ARHGAP15: variants seen among roughly 807,000 people sequenced by gnomAD.
The protein encoded by ARHGAP15 is rho GTPase-activating protein 15.
ARHGAP15 carries 51 observed loss-of-function variants against 63.7 expected under a neutral mutation model. That is an observed-to-expected ratio of 0.80 (90% CI 0.64 to 1.01). ARHGAP15 has a LOEUF of 1.01. Ranked by LOEUF, ARHGAP15 falls within the 50% of genes least tolerant of loss-of-function variation. The pLI is 0.00. For synonymous variants in ARHGAP15, 191 were observed against 193.8 expected, an observed-to-expected ratio of 0.99 and a Z score of 0.12; for missense variants, 560 against 564.6, an observed-to-expected ratio of 0.99 and a Z score of 0.08.
At chr2:143,676,007 A>G (rs771082130) in intron 12 of ARHGAP15, among the ~76,000 whole-genome samples, 4 of 152,190 alleles carry the variant, frequency 2.6e-5, no homozygotes, top group Non-Finnish European at 1.5e-5. Context: ...TATGTTAGCT[A>G]GGTCTTCTGG....
At chr2:143,315,502 A>C (rs1028892266) in intron 6 of ARHGAP15, among the ~76,000 whole-genome samples, 4 of 152,262 alleles carry the variant, frequency 2.6e-5, no homozygotes, top group African/African-American at 9.6e-5. Flanking sequence ...AAAAATACAG[A>C]TACCAGAATA....
chr2:143,665,772 TA>T (rs1210955688), intron 12 of ARHGAP15, among the ~76,000 whole-genome samples: 1 of 151,118 alleles, frequency 6.6e-6, no homozygotes, highest in Non-Finnish European at 1.5e-5. Flanking sequence ...TATACACCAA[TA>T]ACAGACAAAC....
intron 9 of ARHGAP15, among the ~76,000 whole-genome samples, chr2:143,495,559 A>G (rs1198357319): frequency 6.6e-6 from 1 of 152,218 alleles, no homozygotes; most frequent in East Asian, 1.9e-4. Flanking sequence ...TGTCTGCCAT[A>G]AAAGAAAATA....
intron 11 of ARHGAP15, among the ~76,000 whole-genome samples, chr2:143,618,587 G>A (rs1461998562): frequency 6.6e-6 from 1 of 152,188 alleles, no homozygotes; most frequent in African/African-American, 2.4e-5. Context: ...TTGGAAAGAG[G>A]TTTTAAAAGT....
intron 3 of ARHGAP15, among the ~76,000 whole-genome samples, chr2:143,206,753 G>A (rs1249835966): frequency 6.6e-6 from 1 of 152,020 alleles, no homozygotes; most frequent in Non-Finnish European, 1.5e-5. Context: ...TGCTTTATTT[G>A]TTTGGTTTTA....
intron 6 of ARHGAP15, among the ~76,000 whole-genome samples, chr2:143,280,413 T>C (rs1681783393): frequency 6.6e-6 from 1 of 152,124 alleles, no homozygotes; most frequent in Non-Finnish European, 1.5e-5. Flanking sequence ...TCTAGGTCTA[T>C]TTATCACATG....
At chr2:143,685,949 A>C (rs1053970969) in intron 12 of ARHGAP15, among the ~76,000 whole-genome samples, 1 of 151,550 alleles carries the variant, frequency 6.6e-6, no homozygotes, top group African/African-American at 2.4e-5. Flanking sequence ...GTTTACTTTA[A>C]AAAAAAAATT....
At chr2:143,338,742 G>A (rs1378780688) in intron 6 of ARHGAP15, among the ~76,000 whole-genome samples, 2 of 152,124 alleles carry the variant, frequency 1.3e-5, no homozygotes, top group Non-Finnish European at 2.9e-5. Context: ...ATGTCTATCA[G>A]GGAAAAGAAA....
chr2:143,258,887 T>C (rs994290725), intron 6 of ARHGAP15, among the ~76,000 whole-genome samples: 1 of 152,170 alleles, frequency 6.6e-6, no homozygotes, highest in African/African-American at 2.4e-5. Context: ...ACAGTCTCAC[T>C]TTCTGGGTGA....
At chr2:143,537,483 G>C (rs1411382057) in intron 10 of ARHGAP15, among the ~76,000 whole-genome samples, 1 of 152,158 alleles carries the variant, frequency 6.6e-6, no homozygotes, top group Non-Finnish European at 1.5e-5. Context: ...TATTGCCTAG[G>C]TTTTCTTCTA....
chr2:143,736,426 A>T (rs76093874), intron 13 of ARHGAP15, among the ~76,000 whole-genome samples: 1 of 151,760 alleles, frequency 6.6e-6, no homozygotes, highest in Admixed American at 6.6e-5. Context: ...AACAAACAAC[A>T]CACCTATATG....
chr2:143,573,540 C>G (rs193038177), intron 11 of ARHGAP15, among the ~76,000 whole-genome samples: 110 of 152,236 alleles, frequency 7.2e-4, no homozygotes, highest in Admixed American at 1.6e-3. Flanking sequence ...TTTGCAGAAG[C>G]GCCATTACTG....
chr2:143,597,477 G>T (rs925168960), intron 11 of ARHGAP15, among the ~76,000 whole-genome samples: 6 of 152,008 alleles, frequency 3.9e-5, no homozygotes, highest in Admixed American at 2.6e-4. Flanking sequence ...ATTTAGTCCA[G>T]CAATCTCTCA....
At chr2:143,648,892 A>G (rs889310977) in intron 12 of ARHGAP15, 12 of 151,964 alleles carry the variant, frequency 7.9e-5, no homozygotes, top group Non-Finnish European at 1.5e-4. Flanking sequence ...GTGAACAGTA[A>G]GGTAGTCTTT....
At chr2:143,492,400 A>G (rs1485365309) in intron 9 of ARHGAP15, among the ~76,000 whole-genome samples, 1 of 152,134 alleles carries the variant, frequency 6.6e-6, no homozygotes, top group Non-Finnish European at 1.5e-5. Context: ...TCTATGTCAT[A>G]CAAACTTATT....
intron 13 of ARHGAP15, among the ~76,000 whole-genome samples, chr2:143,746,943 T>C (rs1686188507): frequency 6.6e-6 from 1 of 152,206 alleles, no homozygotes; most frequent in Non-Finnish European, 1.5e-5. Context: ...TAAGGATACA[T>C]GAGCAGGTAA....
chr2:143,355,072 A>C (rs1685750228), intron 6 of ARHGAP15, among the ~76,000 whole-genome samples: 1 of 152,192 alleles, frequency 6.6e-6, no homozygotes, highest in Non-Finnish European at 1.5e-5. Context: ...ATAACTTTTA[A>C]CAACTCAAAG....
intron 6 of ARHGAP15, among the ~76,000 whole-genome samples, chr2:143,330,617 T>A (rs1684507990): frequency 6.6e-6 from 1 of 152,192 alleles, no homozygotes. Context: ...ATACACAATA[T>A]TGCTACATGG....
chr2:143,475,029 A>G (rs1177816535), intron 8 of ARHGAP15, among the ~76,000 whole-genome samples: 4 of 152,220 alleles, frequency 2.6e-5, no homozygotes, highest in East Asian at 3.8e-4. Flanking sequence ...CCATCACCAT[A>G]CAGCACCCAG....
Sources: allele counts gnomAD v4.1 joint callset (sites outside exome capture counted in the v4.1 genomes callset), GRCh38; gene constraint gnomAD v4.1.1; transcripts MANE v1.5; gene names NCBI Gene and HGNC (gene_info 2026-07-23, HGNC 2026-07-21).